Variants in WRN observed in about 807,000 individuals in gnomAD.
WRN encodes the protein WRN RecQ like helicase, also known as bifunctional 3'-5' exonuclease/ATP-dependent helicase WRN.
WRN carries 149 observed loss-of-function variants against 180.7 expected under a neutral mutation model. That is an observed-to-expected ratio of 0.82 (90% confidence interval 0.72 to 0.94). WRN has a LOEUF of 0.94. Ranked by LOEUF, WRN falls within the 40% of genes least tolerant of loss-of-function variation. WRN has a pLI of 0.00. For missense variants in WRN, 1,661 were observed against 1,700.1 expected, an observed-to-expected ratio of 0.98 and a Z score of 0.40; for synonymous variants, 548 against 568.9, an observed-to-expected ratio of 0.96 and a Z score of 0.52.
At chr8:31,050,217 A>C (rs1009885917) in intron 1 of WRN, among the ~76,000 whole-genome samples, 3 of 152,154 alleles carry the variant, frequency 2.0e-5, no homozygotes, top group Admixed American at 2.0e-4. Context: ...TGGAGGAAAA[A>C]GTTGGAAATA....
At chr8:31,111,827 G>A (rs773177463) in intron 19 of WRN, 28 bp downstream of exon 19, 1 of 1,602,550 alleles carries the variant, frequency 6.2e-7, no homozygotes, top group South Asian at 1.1e-5. Context: ...GATGAATTTT[G>A]GTAATGATTT....
At position 31,091,892 on chromosome 8, in the gene WRN, T is replaced by C. The variant is rs1306086684; in HGVS notation, c.1892T>C (p.Ile631Thr). 22 of 1,612,922 alleles carry C rather than the reference T, an allele frequency of 1.4e-5. No homozygotes were observed. Among genetic ancestry groups the C allele is most frequent in the African/African-American group, 2.7e-5 (2 of 74,898 alleles). ...CAGTCAGAAAATGTTCTAACAGATA[T>C]TAAATTGTGAGTAATTTTTTTCCCT... ...SAQSENVLTD[I>T]KLGKYRIVYV... The change falls in exon 16 of 35, where the codon ATT (isoleucine) becomes ACT (threonine). Residue 631 changes from isoleucine (I) to threonine (T), a missense_variant. Around this residue, in one of 3 missense-constraint regions of WRN, gnomAD observed 1,141 missense variants for 1,149.4 expected, o/e 0.99. Transcript: ENST00000298139.
At chr8:31,068,394 A>G in intron 7 of WRN, 67 bp downstream of exon 7, 2 of 1,305,026 alleles carry the variant, frequency 1.5e-6, no homozygotes, top group South Asian at 1.2e-5. Flanking sequence ...AAAAAAGGCA[A>G]TATTCACATA....
Position 31,081,725 on chromosome 8 carries a change from G to A in WRN, c.1269+429G>A, listed in dbSNP as rs187596548. Among the ~76,000 whole-genome samples, 10 of 151,860 alleles carry A rather than the reference G, an allele frequency of 6.6e-5. No homozygotes were observed. In the East Asian group the frequency reaches 1.9e-3, roughly 29 times the overall value. Reference sequence around the variant, plus strand: ...TTTACTCTTCTGACTTTGATTTTTGGGGGTGTATTTTATTTCTTTATACAG... The same window carrying A: ...TTTACTCTTCTGACTTTGATTTTTGAGGGTGTATTTTATTTCTTTATACAG... On this transcript the variant is annotated intron_variant, in intron 9 of 34. Transcript: ENST00000298139.
At chr8:31,115,136 TCCGC>T (rs1166948977) in intron 19 of WRN, among the ~76,000 whole-genome samples, 2 of 152,194 alleles carry the variant, frequency 1.3e-5, no homozygotes, top group African/African-American at 4.8e-5. Context: ...GCTCAGGTAA[TCCGC>T]CCGCCTTGGC....
rs1396839608 is a variant in WRN, at chr8:31,101,498, A to G, written c.2088+543A>G. Among the ~76,000 whole-genome samples, 5 of 152,190 alleles carry G rather than the reference A, an allele frequency of 3.3e-5. No homozygotes were observed. The East Asian group carries it at 5.8e-4, about 18-fold the overall frequency. On this transcript the variant is annotated intron_variant, in intron 18 of 34. Transcript: ENST00000298139. ...TTCTTCCCTAATTATAAAAAATAGC[A>G]AATTTTGGCCGGGCATGGTGGCTCA...
intron 20 of WRN, among the ~76,000 whole-genome samples, chr8:31,119,352 T>G (rs1334352809): frequency 2.6e-5 from 4 of 152,016 alleles, no homozygotes; most frequent in Admixed American, 2.6e-4. Flanking sequence ...CTGATTCTTT[T>G]GGTACTTTAC....
chr8:31,102,334 A>G (rs1178253750), intron 18 of WRN, among the ~76,000 whole-genome samples: 3 of 152,216 alleles, frequency 2.0e-5, no homozygotes, highest in Non-Finnish European at 2.9e-5. Flanking sequence ...TTCACTCAAC[A>G]TAACTACCTT....
intron 1 of WRN, among the ~76,000 whole-genome samples, chr8:31,045,196 G>A (rs541819664): frequency 6.6e-6 from 1 of 152,188 alleles, no homozygotes; most frequent in East Asian, 1.9e-4. Context: ...TCTGGACATG[G>A]CAAGTTTTAT....
In WRN at chr8:31,174,823, C is replaced by CCTTCCTTCCTTCCGTCCTT. The variant is rs1563397666; in HGVS notation, c.*1722_*1723insTTCCTTCCTTCCGTCCTTC. On this transcript the variant is annotated 3_prime_UTR_variant, in exon 35 of 35. Coordinates refer to ENST00000298139, the MANE Select transcript of WRN (RefSeq NM_000553.6). ...TTCCTTCCTTCCTTCCTTCCTTCCTCCCTCCCTCCCTCCCTCCCTCCCTCC... is the reference window on the plus strand; with the variant it reads ...TTCCTTCCTTCCTTCCTTCCTTCCTCCTTCCTTCCTTCCGTCCTTCCTCCCTCCCTCCCTCCCTCCCTCC... 1.8e-5 allele frequency among the ~76,000 whole-genome samples: 1 copy of CCTTCCTTCCTTCCGTCCTT among 55,084 alleles called. No homozygotes were observed. Among genetic ancestry groups the CCTTCCTTCCTTCCGTCCTT allele is most frequent in the Non-Finnish European group, 3.4e-5 (1 of 29,412 alleles). 36.1% of individuals were successfully genotyped at this position (55,084 alleles called of 152,430 possible).
At chr8:31,165,845 T>A (rs1308024469) in intron 33 of WRN, among the ~76,000 whole-genome samples, 1 of 152,150 alleles carries the variant, frequency 6.6e-6, no homozygotes, top group East Asian at 1.9e-4. Context: ...ATTGGGGGAA[T>A]TTTGATGATA....
At chr8:31,080,508 A>G (rs1813258960) in intron 8 of WRN, among the ~76,000 whole-genome samples, 2 of 152,010 alleles carry the variant, frequency 1.3e-5, no homozygotes, top group South Asian at 4.2e-4. Context: ...TTCAACTTAG[A>G]ATTTAATGAA....
In WRN at chr8:31,116,455, G is replaced by A. The variant is rs1801524934; in HGVS notation, c.2375G>A (p.Gly792Glu). ...CTTAGGAAACTGAATCTATCCTGTG[G>A]AACATACCATGCGGGCATGAGTTTT... is the stretch of plus-strand genomic sequence containing the variant. Reference protein sequence around the residue: ...GELRKLNLSCGTYHAGMSFST... With the variant: ...GELRKLNLSCETYHAGMSFST... Residue 792 changes from glycine to glutamate, a missense_variant, in exon 20 of 35, where the codon GGA becomes GAA. Transcript: ENST00000298139. 2 of 1,613,984 alleles carry A rather than the reference G, an allele frequency of 1.2e-6. No individual in the cohort carries two copies. The highest frequency in any genetic ancestry group is 4.5e-5 in the East Asian group (2 of 44,838).
chr8:31,075,197 C>A (rs1813052008), intron 7 of WRN, among the ~76,000 whole-genome samples: 1 of 152,108 alleles, frequency 6.6e-6, no homozygotes, highest in African/African-American at 2.4e-5. Flanking sequence ...TTGGAGATGA[C>A]AAGATAACTG....
chr8:31,051,241 A>G (rs755106337), intron 1 of WRN, among the ~76,000 whole-genome samples: 6 of 152,130 alleles, frequency 3.9e-5, no homozygotes, highest in Non-Finnish European at 7.4e-5. Context: ...CCAAAACCCA[A>G]CTTTCTCTTG....
chr8:31,082,728 C>G (rs760264957), intron 9 of WRN, among the ~76,000 whole-genome samples: 1 of 151,960 alleles, frequency 6.6e-6, no homozygotes, highest in Non-Finnish European at 1.5e-5. Context: ...TCCCGAGTCA[C>G]TGGGATTACA....
chr8:31,127,619 CA>C (rs1452860396), intron 23 of WRN, among the ~76,000 whole-genome samples: 10 of 151,700 alleles, frequency 6.6e-5, no homozygotes, highest in Non-Finnish European at 1.3e-4. Context: ...ATACAACCAA[CA>C]AACAGTAACT....
chr8:31,064,487 C>A (rs1401473779), intron 4 of WRN, 53 bp downstream of exon 4: 1 of 1,610,574 alleles, frequency 6.2e-7, no homozygotes, highest in Non-Finnish European at 8.5e-7. Flanking sequence ...AATATGTCAA[C>A]TTTATCCCTA....
intron 30 of WRN, among the ~76,000 whole-genome samples, chr8:31,148,151 T>G (rs762232952): frequency 6.6e-6 from 1 of 152,132 alleles, no homozygotes; most frequent in Non-Finnish European, 1.5e-5. Flanking sequence ...TCTCCAAAGT[T>G]CTGGCACTAC....
Sources: allele counts gnomAD v4.1 joint callset (sites outside exome capture counted in the v4.1 genomes callset), GRCh38; gene constraint gnomAD v4.1.1; regional missense constraint gnomAD v4.1.1; transcripts MANE v1.5; gene names NCBI Gene and HGNC (gene_info 2026-07-23, HGNC 2026-07-21).